The following ZNF536 variants were observed in gnomAD, a reference collection of about 807,000 sequenced individuals.
ZNF536 encodes the protein zinc finger protein 536.
ZNF536 carries 13 observed loss-of-function variants against 84.5 expected under a neutral mutation model. The observed-to-expected ratio is 0.15, with a 90% CI of 0.10 to 0.24. The LOEUF is 0.24. Ranked by LOEUF, ZNF536 falls within the 10% of genes least tolerant of loss-of-function variation. The pLI is 1.00. For missense variants in ZNF536, 1,536 were observed against 1,747.5 expected (o/e 0.88, Z 2.16); for synonymous variants, 811 against 742.5 (o/e 1.09, Z -1.50).
chr19:30,576,027 T>A lies in ZNF536; in HGVS notation c.169+26513T>A, dbSNP rs1378613797. Among the ~76,000 whole-genome samples the A allele has an allele frequency of 3.9e-5, 6 of 152,210 alleles. 1 individual carries two copies. Among genetic ancestry groups the A allele is most frequent in the Non-Finnish European group, 8.8e-5 (6 of 68,040 alleles). ...ACACTGAGAAGGGCTCGGCTCATGG[T>A]ATAAGGGTCAAGTGTGCCCACATTG... On this transcript the variant is annotated intron_variant, in intron 1 of 1. Coordinates refer to the ZNF536 transcript ENST00000592773.
At chr19:30,328,858 G>A (rs2047119717) in intron 2 of ZNF536, among the ~76,000 whole-genome samples, 1 of 152,242 alleles carries the variant, frequency 6.6e-6, no homozygotes, top group Non-Finnish European at 1.5e-5. Context: ...AGACCATCAA[G>A]AGGTACTTAG....
intron 1 of ZNF536, among the ~76,000 whole-genome samples, chr19:30,282,921 G>A (rs965239356): frequency 9.9e-5 from 15 of 152,198 alleles, no homozygotes; most frequent in African/African-American, 3.4e-4. Flanking sequence ...AGGTAGAAAT[G>A]TGTTTACAGA....
At chr19:30,382,830 G>T (rs1239860827) in intron 1 of ZNF536, among the ~76,000 whole-genome samples, 3 of 152,120 alleles carry the variant, frequency 2.0e-5, no homozygotes, top group African/African-American at 7.2e-5. Flanking sequence ...AAGCACACAG[G>T]TGTTAACTGT....
chr19:30,276,826 A>G (rs1403732908), intron 1 of ZNF536, among the ~76,000 whole-genome samples: 1 of 150,594 alleles, frequency 6.6e-6, no homozygotes, highest in East Asian at 2.0e-4. Flanking sequence ...GATCAAGGAC[A>G]CAAAGACATC....
chr19:30,544,861 T>C (rs2045480424), intron 3 of ZNF536, among the ~76,000 whole-genome samples: 1 of 152,186 alleles, frequency 6.6e-6, no homozygotes, highest in Non-Finnish European at 1.5e-5. Flanking sequence ...ACATGTCTTA[T>C]TACAGGTTGA....
chr19:30,343,587 C>T (rs879892266), intron 2 of ZNF536, among the ~76,000 whole-genome samples: 32 of 152,130 alleles, frequency 2.1e-4, no homozygotes, highest in African/African-American at 6.0e-4. Context: ...CCCTGGAGAA[C>T]CCTATGACAT....
chr19:30,585,304 G>A (rs997846176), intron 1 of ZNF536, among the ~76,000 whole-genome samples: 3 of 152,136 alleles, frequency 2.0e-5, no homozygotes, highest in African/African-American at 4.8e-5. Flanking sequence ...AGCAACCAAT[G>A]TATTTCTAGG....
intron 2 of ZNF536, among the ~76,000 whole-genome samples, chr19:30,297,304 C>G (rs1366963669): frequency 1.3e-5 from 2 of 152,106 alleles, no homozygotes; most frequent in Non-Finnish European, 2.9e-5. Context: ...CCATATAATC[C>G]CTTCGTATGC....
chr19:30,422,827 A>G (rs1470038485), intron 1 of ZNF536, among the ~76,000 whole-genome samples: 1 of 123,292 alleles, frequency 8.1e-6, no homozygotes, highest in Non-Finnish European at 1.6e-5. Flanking sequence ...TCATCTGCCT[A>G]TCTACACATT....
intron 1 of ZNF536, among the ~76,000 whole-genome samples, chr19:30,258,350 G>A (rs2025020309): frequency 6.6e-6 from 1 of 152,156 alleles, no homozygotes; most frequent in African/African-American, 2.4e-5. Context: ...AGATAACCAG[G>A]TACAGCCCAG....
At chr19:30,705,309 ATGTGTGTG>A (rs56199909) in intron 1 of ZNF536, among the ~76,000 whole-genome samples, 1 of 149,110 alleles carries the variant, frequency 6.7e-6, no homozygotes, top group African/African-American at 2.5e-5. Context: ...ACTCAGAAAG[ATGTGTGTG>A]TGTGTGTGTG....
chr19:30,355,529 A>G (rs1167250263), intron 3 of ZNF536, among the ~76,000 whole-genome samples: 2 of 152,038 alleles, frequency 1.3e-5, no homozygotes, highest in African/African-American at 4.8e-5. Flanking sequence ...CTAGGACTAC[A>G]AGTGCCTCCC....
intron 2 of ZNF536, among the ~76,000 whole-genome samples, chr19:30,340,536 G>T (rs1056786806): frequency 7.2e-5 from 11 of 152,262 alleles, no homozygotes; most frequent in African/African-American, 2.6e-4. Context: ...CCTAGTGAAG[G>T]GTTGTTTTCT....
rs545401755 is a variant in ZNF536, at chr19:30,549,219, C to A, written c.3600C>A (p.Asp1200Glu). 1 of 1,614,112 alleles carries A rather than the reference C, an allele frequency of 6.2e-7. No homozygotes were observed. The highest frequency in any genetic ancestry group is 8.5e-7 in the Non-Finnish European group (1 of 1,180,058). The part of the protein sequence containing the change: ...MTKPLSALSK[D>E]SSSDGGDSLQ... The stretch of plus-strand genomic sequence containing the variant: ...AGCCACTGTCTGCCCTCAGCAAAGA[C>A]AGCAGCAGCGATGGCGGGGACAGCC... Residue 1200 changes from aspartate (D) to glutamate (E), a missense_variant, in exon 4 of 5, where the codon GAC becomes GAA. By Grantham distance (45) the Asp-to-Glu change is conservative. Transcript: ENST00000355537.
intron 1 of ZNF536, among the ~76,000 whole-genome samples, chr19:30,600,282 G>C (rs1159557667): frequency 6.6e-6 from 1 of 151,872 alleles, no homozygotes; most frequent in Non-Finnish European, 1.5e-5. Flanking sequence ...TAGTAGAGAC[G>C]GGGTTTCACC....
intron 1 of ZNF536, among the ~76,000 whole-genome samples, chr19:30,692,129 T>C (rs2051437509): frequency 1.3e-5 from 2 of 152,264 alleles, no homozygotes; most frequent in South Asian, 4.1e-4. Context: ...TACGGATTTT[T>C]CTTTTTGATT....
intron 1 of ZNF536, among the ~76,000 whole-genome samples, chr19:30,271,244 A>G (rs2025818107): frequency 6.8e-6 from 1 of 146,612 alleles, no homozygotes; most frequent in Non-Finnish European, 1.5e-5. Context: ...CCCTGTACTG[A>G]GCACTGCTTG....
intron 1 of ZNF536, among the ~76,000 whole-genome samples, chr19:30,684,309 G>T (rs770149555): frequency 6.6e-6 from 1 of 152,022 alleles, no homozygotes; most frequent in Non-Finnish European, 1.5e-5. Flanking sequence ...TAATTTTTTT[G>T]TGTTTCTGGT....
chr19:30,653,400 A>G (rs1305681942), intron 1 of ZNF536, among the ~76,000 whole-genome samples: 3 of 152,190 alleles, frequency 2.0e-5, no homozygotes, highest in Admixed American at 6.5e-5. Flanking sequence ...TGAGAGGCCT[A>G]TGAGTGCAAT....
Sources: allele counts gnomAD v4.1 joint callset (sites outside exome capture counted in the v4.1 genomes callset), GRCh38; gene constraint gnomAD v4.1.1; transcripts MANE v1.5; gene names NCBI Gene and HGNC (gene_info 2026-07-23, HGNC 2026-07-21).